The following SUGCT variants were observed in gnomAD, a reference collection of about 807,000 sequenced individuals.
SUGCT encodes the protein succinyl-CoA:glutarate-CoA transferase.
Under a neutral mutation model 55.0 loss-of-function variants are expected in SUGCT, and 41 were observed. That is an observed-to-expected ratio of 0.74 (90% CI 0.58 to 0.97). The LOEUF is 0.97. Ranked by LOEUF, SUGCT falls within the 50% of genes least tolerant of loss-of-function variation. The pLI is 0.00. For missense variants in SUGCT, 568 were observed against 547.8 expected (o/e 1.04, Z -0.37); for synonymous variants, 187 against 200.4 (o/e 0.93, Z 0.56).
intron 9 of SUGCT, among the ~76,000 whole-genome samples, chr7:40,344,781 T>C (rs1365604453): frequency 6.6e-6 from 1 of 152,242 alleles, no homozygotes; most frequent in Non-Finnish European, 1.5e-5. Context: ...ACTTTTATGA[T>C]TTTGAAAAAT....
At chr7:40,145,845 T>TA (rs1227631266) in intron 1 of SUGCT, among the ~76,000 whole-genome samples, 1 of 152,344 alleles carries the variant, frequency 6.6e-6, no homozygotes, top group East Asian at 1.9e-4. Flanking sequence ...TCGCTTCTGT[T>TA]AGAGTTTCCT....
intron 12 of SUGCT, among the ~76,000 whole-genome samples, chr7:40,726,081 C>T (rs1786598084): frequency 6.6e-6 from 1 of 152,132 alleles, no homozygotes; most frequent in African/African-American, 2.4e-5. Flanking sequence ...GTAATAAATA[C>T]TCACTTAATA....
At chr7:40,587,166 A>G (rs1239296812) in intron 12 of SUGCT, among the ~76,000 whole-genome samples, 1 of 152,264 alleles carries the variant, frequency 6.6e-6, no homozygotes, top group Non-Finnish European at 1.5e-5. Context: ...ATAAAGAGAC[A>G]CAACAGATTT....
intron 8 of SUGCT, among the ~76,000 whole-genome samples, chr7:40,305,560 C>A (rs762489536): frequency 3.3e-5 from 5 of 152,030 alleles, no homozygotes; most frequent in Non-Finnish European, 7.4e-5. Flanking sequence ...AAACCATAAT[C>A]CCTCCTCTTC....
rs557855693 is a variant in SUGCT at position 40,493,230 on chromosome 7, C to A, written c.987-3054C>A. Reference sequence around the variant, plus strand: ...TGAATGAATTTGAGCAAGTTAATTTCTCTGAACCTGAGTTTCCTATTGGTC... The same window carrying A: ...TGAATGAATTTGAGCAAGTTAATTTATCTGAACCTGAGTTTCCTATTGGTC... On this transcript the variant is annotated intron_variant, in intron 11 of 13. Transcript: ENST00000335693. Among the ~76,000 whole-genome samples the A allele has an allele frequency of 3.3e-5, 5 of 152,290 alleles. No homozygotes were observed. The East Asian group carries it at 9.6e-4, about 29-fold the overall frequency.
intron 12 of SUGCT, among the ~76,000 whole-genome samples, chr7:40,551,287 GT>G (rs1247640074): frequency 6.6e-6 from 1 of 152,134 alleles, no homozygotes; most frequent in Non-Finnish European, 1.5e-5. Flanking sequence ...GTTTAAGTAC[GT>G]TTCTGCTGAA....
the SUGCT span, among the ~76,000 whole-genome samples, chr7:41,021,339 C>T: frequency 6.6e-6 from 1 of 152,136 alleles, no homozygotes; most frequent in Admixed American, 6.5e-5. Flanking sequence ...AGAAAACAGA[C>T]ATTTTCCTTA....
intron 9 of SUGCT, among the ~76,000 whole-genome samples, chr7:40,320,683 C>T (rs953941677): frequency 6.6e-6 from 1 of 152,198 alleles, no homozygotes; most frequent in African/African-American, 2.4e-5. Context: ...GTTTGTGACC[C>T]ACACTGACCT....
rs563908901 is a variant in SUGCT, at chr7:40,189,513, A to AAT, written c.313-16_313-15dup. 0.01 allele frequency: 8,317 copies of AAT among 807,556 alleles called. 32 individuals carry two copies. Among genetic ancestry groups the AAT allele is most frequent in the South Asian group, 0.016 (384 of 23,864 alleles). The allele number at this position is 807,556 out of a possible 1,614,324, so 50.0% of individuals were successfully genotyped here. A position where few individuals can be genotyped will look rare whatever the true frequency, so the allele number is the denominator to read the frequency against. On this transcript the variant is annotated intron_variant, in intron 4 of 13. Coordinates refer to ENST00000335693, the MANE Select transcript of SUGCT (RefSeq NM_001193313.2). ...CTTCTTGTGTTTTGGTCATCGAAAT[A>AAT]ATATATATATATATATTTTTTAATT... is the stretch of plus-strand genomic sequence containing the variant.
At chr7:40,864,243 G>A (rs985680926), downstream of SUGCT, among the ~76,000 whole-genome samples, 10 of 152,044 alleles carry the variant, frequency 6.6e-5, no homozygotes, top group Non-Finnish European at 1.3e-4. Flanking sequence ...TGCAACCTTT[G>A]CCTCCCAGGT....
intron 9 of SUGCT, among the ~76,000 whole-genome samples, chr7:40,447,548 G>A (rs112411589): frequency 3.9e-5 from 6 of 152,146 alleles, no homozygotes; most frequent in African/African-American, 1.4e-4. Flanking sequence ...AGTGAGGGCA[G>A]GTGGCGCTCT....
intron 12 of SUGCT, among the ~76,000 whole-genome samples, chr7:40,685,104 GCCT>G (rs1784411848): frequency 6.6e-6 from 1 of 151,998 alleles, no homozygotes; most frequent in Non-Finnish European, 1.5e-5. Flanking sequence ...TGGTCCACCT[GCCT>G]TGGCCTCCCA....
intron 12 of SUGCT, among the ~76,000 whole-genome samples, chr7:40,531,831 G>A (rs982152281): frequency 3.9e-5 from 6 of 151,948 alleles, no homozygotes; most frequent in Non-Finnish European, 8.8e-5. Flanking sequence ...CCGCCACTAC[G>A]CCCGGCTAAT....
At chr7:40,809,184 T>G (rs1791267984) in intron 13 of SUGCT, among the ~76,000 whole-genome samples, 1 of 152,222 alleles carries the variant, frequency 6.6e-6, no homozygotes, top group Non-Finnish European at 1.5e-5. Flanking sequence ...TAAACAAGGT[T>G]GTTATGAAGA....
rs529866970 is a variant in SUGCT, at chr7:40,287,463, T to G, written c.720+12807T>G. On this transcript the variant is annotated intron_variant, in intron 8 of 13. Transcript: ENST00000335693. ...GGCAAAACATTTCAGTCTTTCACCA[T>G]TATGTATGATGTAACTGTGTTTTTT... Among the ~76,000 whole-genome samples the G allele has an allele frequency of 2.4e-4, 36 of 152,158 alleles. No individual in the cohort carries two copies. In the South Asian group the frequency reaches 6.6e-3, roughly 28 times the overall value.
At chr7:40,459,276 T>C (rs1789661885) in intron 11 of SUGCT, 78 bp downstream of exon 11, 3 of 972,616 alleles carry the variant, frequency 3.1e-6, no homozygotes, top group Non-Finnish European at 1.5e-6. Flanking sequence ...TATGTTTTTT[T>C]CTTGGCTTAT....
At chr7:40,732,444 A>C (rs574927756) in intron 12 of SUGCT, among the ~76,000 whole-genome samples, 2 of 152,310 alleles carry the variant, frequency 1.3e-5, no homozygotes, top group Admixed American at 6.5e-5. Context: ...GGGACTTGAG[A>C]TCTTTGGATG....
chr7:40,574,951 G>T (rs1461029014), intron 12 of SUGCT, among the ~76,000 whole-genome samples: 1 of 152,168 alleles, frequency 6.6e-6, no homozygotes, highest in Non-Finnish European at 1.5e-5. Context: ...TCTAAAGTCT[G>T]CTGAGTGGCT....
the SUGCT span, among the ~76,000 whole-genome samples, chr7:40,912,252 G>A: frequency 6.6e-6 from 1 of 151,986 alleles, no homozygotes; most frequent in Non-Finnish European, 1.5e-5. Context: ...TATTTTATGT[G>A]TTATTTTTAA....
Sources: gnomAD v4.1 joint callset for allele counts (sites outside exome capture counted in the v4.1 genomes callset) on GRCh38, gnomAD v4.1.1 for gene constraint, MANE v1.5 for transcripts, NCBI Gene and HGNC (gene_info 2026-07-23, HGNC 2026-07-21) for gene names.